Variants in NRG1 observed in about 807,000 individuals in gnomAD.
NRG1 encodes neuregulin 1.
Under a neutral mutation model 63.8 loss-of-function variants are expected in NRG1, and 18 were observed. The observed-to-expected ratio is 0.28, with a 90% CI of 0.19 to 0.42. The LOEUF (loss-of-function observed/expected upper bound fraction) is 0.42. Ranked by LOEUF, NRG1 falls within the 10% of genes least tolerant of loss-of-function variation. NRG1 has a pLI of 1.00. For missense variants in NRG1, 762 were observed against 814.7 expected (o/e 0.94, Z 0.79); for synonymous variants, 302 against 301.3 (o/e 1.00, Z -0.02).
intron 1 of NRG1, among the ~76,000 whole-genome samples, chr8:31,798,325 A>G (rs140955833): frequency 6.6e-6 from 1 of 152,342 alleles, no homozygotes; most frequent in East Asian, 1.9e-4. Flanking sequence ...TCTGTATACT[A>G]TAAGTATGAA....
At chr8:31,923,628 T>G (rs1483511562) in intron 1 of NRG1, among the ~76,000 whole-genome samples, 1 of 152,216 alleles carries the variant, frequency 6.6e-6, no homozygotes, top group Non-Finnish European at 1.5e-5. Context: ...TTTATTTATT[T>G]AAAAGATTTA....
chr8:31,639,343 G>A (rs1803506314), exon 1 of NRG1: 1 of 1,532,154 alleles, frequency 6.5e-7, no homozygotes, highest in Non-Finnish European at 8.7e-7. Flanking sequence ...GCGCGGGGAC[G>A]GGGACGCCCA....
Position 32,348,245 on chromosome 8 carries a change from TTTTTG to T in NRG1, c.38-247563_38-247559del, listed in dbSNP as rs779711996. 1.2e-4 allele frequency among the ~76,000 whole-genome samples: 19 copies of T among 152,196 alleles called. No homozygotes were observed. The East Asian group carries it at 1.3e-3, about 11-fold the overall frequency. ...ATCCTCTTTAAGCCCCTTCTGTGTTTTTTTGTTTTGTTTTGTTTTGTTTTTGTTTT... is the reference window on the plus strand; with the variant it reads ...ATCCTCTTTAAGCCCCTTCTGTGTTTTTTTGTTTTGTTTTGTTTTTGTTTT... On this transcript the variant is annotated intron_variant, in intron 1 of 10. Transcript: ENST00000519301.
At chr8:32,770,917 A>T (rs1564157885), downstream of NRG1, among the ~76,000 whole-genome samples, 1 of 152,146 alleles carries the variant, frequency 6.6e-6, no homozygotes, top group Non-Finnish European at 1.5e-5. Context: ...TAAGTTTTGG[A>T]ATCTAGGTTT....
intron 1 of NRG1, among the ~76,000 whole-genome samples, chr8:32,555,596 C>A (rs554265577): frequency 6.6e-6 from 1 of 152,150 alleles, no homozygotes; most frequent in African/African-American, 2.4e-5. Context: ...CTCAGCCTCC[C>A]GAGTAGCTGG....
In NRG1 at chr8:32,158,146, G is replaced by GTAGC. The variant is rs1291007482; in HGVS notation, c.38-437679_38-437676dup. Among the ~76,000 whole-genome samples the GTAGC allele has an allele frequency of 3.3e-5, 5 of 152,004 alleles. No individual in the cohort carries two copies. The East Asian group carries it at 9.7e-4, about 30-fold the overall frequency. ...CCTCCCTGCCTGGCTGCAGTGGGTA[G>GTAGC]TAGCTAATTCCTCTTCTGAAGGCCA... On this transcript the variant is annotated intron_variant, in intron 1 of 10. Coordinates refer to the NRG1 transcript ENST00000519301.
At chr8:32,531,752 T>C (rs966224938) in intron 1 of NRG1, among the ~76,000 whole-genome samples, 1 of 152,122 alleles carries the variant, frequency 6.6e-6, no homozygotes. Flanking sequence ...ATCTATAAAA[T>C]GAGAAAGCGC....
chr8:32,230,424 G>A (rs920663187), intron 1 of NRG1, among the ~76,000 whole-genome samples: 3 of 152,148 alleles, frequency 2.0e-5, no homozygotes, highest in Non-Finnish European at 4.4e-5. Context: ...CACTTCTCAG[G>A]CTACTGCTCC....
chr8:32,759,793 A>G (rs535720018), intron 10 of NRG1, among the ~76,000 whole-genome samples: 77 of 152,270 alleles, frequency 5.1e-4, no homozygotes, highest in African/African-American at 1.9e-3. Context: ...AAATAGTGGA[A>G]CCCTAAATTC....
intron 1 of NRG1, among the ~76,000 whole-genome samples, chr8:31,655,614 CAG>C (rs1286616775): frequency 6.6e-6 from 1 of 152,156 alleles, no homozygotes; most frequent in Non-Finnish European, 1.5e-5. Flanking sequence ...ATCTTAAAAA[CAG>C]GGGAACCCAA....
At chr8:31,656,870 T>G (rs183180778) in intron 1 of NRG1, among the ~76,000 whole-genome samples, 3 of 152,330 alleles carry the variant, frequency 2.0e-5, no homozygotes, top group African/African-American at 4.8e-5. Flanking sequence ...TAAATACTTG[T>G]GAAGTGACAT....
intron 1 of NRG1, among the ~76,000 whole-genome samples, chr8:32,249,416 T>G (rs1486046354): frequency 6.6e-6 from 1 of 152,156 alleles, no homozygotes; most frequent in East Asian, 1.9e-4. Flanking sequence ...ATCACAAAAC[T>G]TACTGTTTCA....
intron 1 of NRG1, among the ~76,000 whole-genome samples, chr8:31,639,597 C>T (rs1016539162): frequency 2.6e-5 from 4 of 152,266 alleles, no homozygotes; most frequent in East Asian, 3.9e-4. Context: ...GGACTGTCAC[C>T]CGCGGAGCAG....
intron 5 of NRG1, chr8:32,722,073 G>C: frequency 6.8e-7 from 1 of 1,471,040 alleles, no homozygotes. Context: ...TAATTTTGTA[G>C]TGACTAGCAG....
Position 31,640,726 on chromosome 8 carries a change from T to C in NRG1, c.37+1295T>C, listed in dbSNP as rs754400800. ...GGTCAGCCGGGTGCTGTGCAAGCGG[T>C]GCGGTAAGTTCCTCGCCCTTGGGGG... On this transcript the variant is annotated intron_variant, in intron 1 of 10. Coordinates refer to the NRG1 transcript ENST00000519301. The surrounding 1 kb of genome is among the most constrained non-coding windows in gnomAD (Gnocchi z 6.3). 6 of 1,580,252 alleles carry C rather than the reference T, an allele frequency of 3.8e-6. No homozygotes were observed. The highest frequency in any genetic ancestry group is 5.2e-6 in the Non-Finnish European group (6 of 1,162,822).
intron 1 of NRG1, among the ~76,000 whole-genome samples, chr8:32,382,400 C>G (rs1023765629): frequency 6.6e-6 from 1 of 151,972 alleles, no homozygotes; most frequent in Non-Finnish European, 1.5e-5. Context: ...GAAGATAATG[C>G]CTTTTGTAGC....
intron 5 of NRG1, among the ~76,000 whole-genome samples, chr8:32,642,455 G>A (rs1374750707): frequency 6.6e-6 from 1 of 152,114 alleles, no homozygotes. Flanking sequence ...AAATGGGAAG[G>A]GCTTCGTCAA....
At chr8:31,991,832 C>G (rs769436728) in intron 1 of NRG1, among the ~76,000 whole-genome samples, 2 of 151,812 alleles carry the variant, frequency 1.3e-5, no homozygotes, top group Non-Finnish European at 2.9e-5. Flanking sequence ...TGATATTTAC[C>G]TGCAATACAC....
intron 1 of NRG1, among the ~76,000 whole-genome samples, chr8:31,798,352 A>G (rs1256334771): frequency 6.6e-6 from 1 of 152,206 alleles, no homozygotes; most frequent in African/African-American, 2.4e-5. Context: ...TCATGTGTCA[A>G]CTAAAAATAA....
Sources: gnomAD v4.1 joint callset for allele counts (sites outside exome capture counted in the v4.1 genomes callset) on GRCh38, gnomAD v4.1.1 for gene constraint, Gnocchi (gnomAD v3.1) non-coding constraint, MANE v1.5 for transcripts, NCBI Gene and HGNC (gene_info 2026-07-23, HGNC 2026-07-21) for gene names.